Variants in SMARCA2 observed in about 807,000 individuals in gnomAD.
SMARCA2 encodes SWI/SNF related BAF chromatin remodeling complex subunit ATPase 2, also known as SWI/SNF-related matrix-associated actin-dependent regulator of chromatin subfamily A member 2.
In SMARCA2, 61 loss-of-function variants were observed where a neutral mutation model predicts 199.8. That is an observed-to-expected ratio of 0.31 (90% CI 0.25 to 0.38). SMARCA2 has a LOEUF of 0.38. Among genes scored for constraint, SMARCA2 ranks in the 10% least tolerant of loss-of-function variants. The pLI, the probability that SMARCA2 is intolerant of heterozygous loss-of-function variation, is 1.00. For synonymous variants in SMARCA2, 935 were observed against 732.0 expected (o/e 1.28, Z -4.48); for missense variants, 1,344 against 2,012.2 (o/e 0.67, Z 6.35).
chr9:2,117,083 G>A (rs1823245341), intron 25 of SMARCA2, among the ~76,000 whole-genome samples: 1 of 152,116 alleles, frequency 6.6e-6, no homozygotes. Context: ...ATCAGGACAT[G>A]GCCCCATCTT....
intron 1 of SMARCA2, among the ~76,000 whole-genome samples, chr9:2,025,972 T>C (rs1168373883): frequency 1.3e-5 from 2 of 152,064 alleles, no homozygotes; most frequent in Non-Finnish European, 2.9e-5. Context: ...TTGGATGAAG[T>C]CTTCAAGATG....
At position 2,016,581 on chromosome 9, in the gene SMARCA2, G is replaced by C. The variant is rs1024904919; in HGVS notation, c.-37+1177G>C. Among the ~76,000 whole-genome samples, 2 of 151,816 alleles carry C rather than the reference G, an allele frequency of 1.3e-5. No individual in the cohort carries two copies. Among genetic ancestry groups the C allele is most frequent in the African/African-American group, 4.8e-5 (2 of 41,320 alleles). ...GGGAGGCCATGATCCGGATAATCCTGTCTGCCTGACTGTCACAAACAGGAC... is the reference window on the plus strand; with the variant it reads ...GGGAGGCCATGATCCGGATAATCCTCTCTGCCTGACTGTCACAAACAGGAC... On this transcript the variant is annotated intron_variant, in intron 1 of 33. Transcript: ENST00000349721. The surrounding 1 kb of genome is among the most constrained non-coding windows in gnomAD (Gnocchi z 5.6).
At chr9:2,030,472 C>G (rs1386577740) in intron 2 of SMARCA2, among the ~76,000 whole-genome samples, 4 of 150,704 alleles carry the variant, frequency 2.7e-5, no homozygotes, top group Non-Finnish European at 5.9e-5. Context: ...GGAGTAAGTT[C>G]AAGTCTGAGG....
At chr9:2,117,793 C>T (rs1222923544) in intron 25 of SMARCA2, among the ~76,000 whole-genome samples, 1 of 152,172 alleles carries the variant, frequency 6.6e-6, no homozygotes, top group Non-Finnish European at 1.5e-5. Flanking sequence ...TGTGAGCAGC[C>T]TTGCTGAGGC....
chr9:2,075,710 T>A (rs998421689), intron 12 of SMARCA2, among the ~76,000 whole-genome samples: 11 of 152,106 alleles, frequency 7.2e-5, no homozygotes, highest in Non-Finnish European at 1.6e-4. Flanking sequence ...CAGGCTGGAG[T>A]GCAGTGGTGT....
intron 27 of SMARCA2, among the ~76,000 whole-genome samples, chr9:2,154,584 C>T (rs893324525): frequency 6.6e-6 from 1 of 152,116 alleles, no homozygotes; most frequent in African/African-American, 2.4e-5. Context: ...GTTGCAGTAG[C>T]GTGGAACCCT....
chr9:2,068,722 GT>G (rs879412375), intron 9 of SMARCA2, among the ~76,000 whole-genome samples: 39 of 146,278 alleles, frequency 2.7e-4, no homozygotes, highest in Middle Eastern at 3.5e-3. Flanking sequence ...AATGACTAAA[GT>G]TTTTTTTTTT....
intron 5 of SMARCA2, among the ~76,000 whole-genome samples, chr9:2,051,435 C>T (rs1016591991): frequency 1.2e-4 from 18 of 152,280 alleles, no homozygotes; most frequent in African/African-American, 4.1e-4. Flanking sequence ...TCACACAGTG[C>T]CCCATCTCCC....
At chr9:2,076,635 C>T (rs1821336450) in intron 13 of SMARCA2, among the ~76,000 whole-genome samples, 1 of 152,050 alleles carries the variant, frequency 6.6e-6, no homozygotes, top group South Asian at 2.1e-4. Flanking sequence ...CTGTCGTCTG[C>T]ACCTCAGTCC....
intron 27 of SMARCA2, among the ~76,000 whole-genome samples, chr9:2,138,194 AC>A (rs1012307195): frequency 2.0e-5 from 3 of 150,728 alleles, no homozygotes; most frequent in East Asian, 2.0e-4. Flanking sequence ...CAAAAAAAAA[AC>A]AGATAAATAC....
intron 15 of SMARCA2, among the ~76,000 whole-genome samples, chr9:2,082,713 G>A (rs1162972292): frequency 6.6e-6 from 1 of 152,218 alleles, no homozygotes; most frequent in Non-Finnish European, 1.5e-5. Context: ...ATGCTGATAT[G>A]AACTTGGACC....
chr9:2,078,678 C>T (rs1224261663), intron 14 of SMARCA2, among the ~76,000 whole-genome samples: 1 of 152,118 alleles, frequency 6.6e-6, no homozygotes, highest in East Asian at 1.9e-4. Flanking sequence ...GGTGCGGTAG[C>T]TCACGCCTGT....
intron 27 of SMARCA2, among the ~76,000 whole-genome samples, chr9:2,136,990 C>A (rs115482890): frequency 3.3e-5 from 5 of 152,182 alleles, no homozygotes; most frequent in Admixed American, 6.5e-5. Flanking sequence ...AGTCTGGCCT[C>A]CAGACACAGC....
At chr9:2,070,384 G>T (rs747773327) in intron 9 of SMARCA2, 34 bp from the exon 10 acceptor site, 8 of 1,598,752 alleles carry the variant, frequency 5.0e-6, no homozygotes, top group South Asian at 3.3e-5. Flanking sequence ...CATCATCTTG[G>T]TTACTTATAA....
intron 28 of SMARCA2, among the ~76,000 whole-genome samples, chr9:2,162,388 G>T (rs1825728068): frequency 6.6e-6 from 1 of 152,272 alleles, no homozygotes; most frequent in East Asian, 1.9e-4. Flanking sequence ...CTGAGCACTT[G>T]AATTATCTCT....
At chr9:2,027,869 T>A (rs1465648346) in intron 1 of SMARCA2, 2 of 152,208 alleles carry the variant, frequency 1.3e-5, no homozygotes, top group Non-Finnish European at 2.9e-5. Context: ...CAAGGTAACA[T>A]CATAATATAG....
intron 18 of SMARCA2, 24 bp from the exon 19 acceptor site, chr9:2,088,476 A>G (rs748365352): frequency 3.6e-5 from 56 of 1,557,324 alleles, no homozygotes; most frequent in Non-Finnish European, 4.6e-5. Flanking sequence ...AAAAAATCAA[A>G]TTCATAATAA....
At chr9:2,176,343 C>G (rs1391371983) in intron 29 of SMARCA2, among the ~76,000 whole-genome samples, 1 of 152,016 alleles carries the variant, frequency 6.6e-6, no homozygotes, top group Non-Finnish European at 1.5e-5. Flanking sequence ...TCATGAACAT[C>G]TTGATGATTA....
chr9:2,085,539 G>C (rs1479983221), intron 17 of SMARCA2, among the ~76,000 whole-genome samples: 1 of 152,054 alleles, frequency 6.6e-6, no homozygotes, highest in African/African-American at 2.4e-5. Context: ...TTTTTTGTCT[G>C]CTTGCCTCTT....
Sources: allele counts gnomAD v4.1 joint callset (sites outside exome capture counted in the v4.1 genomes callset), GRCh38; gene constraint gnomAD v4.1.1; non-coding constraint Gnocchi (gnomAD v3.1); transcripts MANE v1.5; gene names NCBI Gene and HGNC (gene_info 2026-07-23, HGNC 2026-07-21).